Variants in XPO1 observed in about 807,000 individuals in gnomAD.
XPO1 encodes the protein exportin 1, also known as exportin-1.
A neutral mutation model predicts 133.3 loss-of-function variants in XPO1; 5 were observed. The ratio of observed to expected loss-of-function variants is 0.04; its 90% CI spans 0.02 to 0.08. The LOEUF (loss-of-function observed/expected upper bound fraction) is 0.08. XPO1 is among the 10% of genes least tolerant of loss of function. XPO1 has a pLI of 1.00. For synonymous variants in XPO1, 419 were observed against 408.2 expected, an observed-to-expected ratio of 1.03 and a Z score of -0.32; for missense variants, 506 against 1,267.5, an observed-to-expected ratio of 0.40 and a Z score of 9.12.
chr2:61,491,973 T>TATG (rs1697023414), intron 16 of XPO1, 62 bp downstream of exon 16: 1 of 1,571,918 alleles, frequency 6.4e-7, no homozygotes. Flanking sequence ...TTTCCATTGA[T>TATG]ACATACAGAT....
chr2:61,525,695 C>A, intron 3 of XPO1: 4 of 1,026,200 alleles, frequency 3.9e-6, no homozygotes, highest in Non-Finnish European at 4.7e-6. Flanking sequence ...GTATTTTTGA[C>A]CTAAAATTTA....
rs1318453164 is a variant in XPO1 at position 61,485,600 on chromosome 2, TG to T, written c.2508+167del. ...ATTGCCCAGGTTGGTTTCAAACTCC[TG>T]GGAAGTAAGTTCTTGAAAACCAAGA... is the stretch of plus-strand genomic sequence containing the variant. On this transcript the variant is annotated intron_variant, in intron 20 of 24. Transcript: ENST00000401558. 3 of 646,008 alleles carry T rather than the reference TG, an allele frequency of 4.6e-6. No individual in the cohort carries two copies. The Admixed American group carries it at 1.0e-4, about 22-fold the overall frequency. 40.0% of individuals were successfully genotyped at this position (646,008 alleles called of 1,614,324 possible). A position where few individuals can be genotyped will look rare whatever the true frequency, so the allele number is the denominator to read the frequency against.
chr2:61,519,203 C>T (rs2104714266), intron 4 of XPO1, among the ~76,000 whole-genome samples: 1 of 152,242 alleles, frequency 6.6e-6, no homozygotes, highest in South Asian at 2.1e-4. Flanking sequence ...CCTGCCTTGG[C>T]CTCCCAAAGT....
intron 7 of XPO1, 141 bp from the exon 8 acceptor site, chr2:61,499,054 G>A: frequency 2.0e-6 from 2 of 994,300 alleles, no homozygotes; most frequent in Non-Finnish European, 2.9e-6. Flanking sequence ...GGCCATGGCA[G>A]AAGGATTGTT....
intron 2 of XPO1, 23 bp downstream of exon 2, chr2:61,533,749 A>C (rs757643416): frequency 6.4e-7 from 1 of 1,561,972 alleles, no homozygotes; most frequent in Non-Finnish European, 8.6e-7. Flanking sequence ...ATAATGTTAT[A>C]AAGTTTTGGT....
At chr2:61,536,728 A>C (rs1459548709) in intron 1 of XPO1, 3 of 152,474 alleles carry the variant, frequency 2.0e-5, no homozygotes, top group East Asian at 3.9e-4. Context: ...TACTCGGAGG[A>C]GGCATTTAGA....
At chr2:61,494,244 G>A in intron 11 of XPO1, 153 bp from the exon 12 acceptor site, 1 of 661,534 alleles carries the variant, frequency 1.5e-6, no homozygotes, top group Non-Finnish European at 2.5e-6. Context: ...GCAAACTCTG[G>A]AGTAACTCTG....
intron 4 of XPO1, among the ~76,000 whole-genome samples, chr2:61,519,122 T>A (rs1698558275): frequency 6.6e-6 from 1 of 152,116 alleles, no homozygotes; most frequent in Non-Finnish European, 1.5e-5. Flanking sequence ...GGCTAATTTT[T>A]GTATTTTTAG....
intron 4 of XPO1, among the ~76,000 whole-genome samples, chr2:61,506,043 G>C (rs996219571): frequency 6.6e-6 from 1 of 152,120 alleles, no homozygotes; most frequent in Admixed American, 6.6e-5. Flanking sequence ...AGGATTATTT[G>C]ATCAAGTACC....
chr2:61,496,777 G>T, intron 10 of XPO1, 102 bp downstream of exon 10: 2 of 1,227,512 alleles, frequency 1.6e-6, no homozygotes, highest in Non-Finnish European at 2.1e-6. Context: ...AAAAGATTAT[G>T]GCTTATCTTT....
At chr2:61,519,363 A>G (rs1426847083) in intron 4 of XPO1, among the ~76,000 whole-genome samples, 1 of 152,148 alleles carries the variant, frequency 6.6e-6, no homozygotes, top group Non-Finnish European at 1.5e-5. Context: ...TTTTCCTGAC[A>G]GTATTTATAC....
At chr2:61,490,079 C>T (rs572925948) in intron 17 of XPO1, among the ~76,000 whole-genome samples, 47 of 151,702 alleles carry the variant, frequency 3.1e-4, no homozygotes, top group African/African-American at 1.1e-3. Flanking sequence ...TTAGTAGAGA[C>T]GGGGTTTCAC....
chr2:61,517,403 G>C (rs1323317151), intron 4 of XPO1, among the ~76,000 whole-genome samples: 1 of 152,106 alleles, frequency 6.6e-6, no homozygotes, highest in Non-Finnish European at 1.5e-5. Flanking sequence ...GGACAACATA[G>C]GCAAACTGTG....
At chr2:61,512,032 G>C (rs1423355356) in intron 4 of XPO1, among the ~76,000 whole-genome samples, 1 of 152,072 alleles carries the variant, frequency 6.6e-6, no homozygotes, top group East Asian at 1.9e-4. Context: ...GCCTCCCAAA[G>C]TGCTGGGATT....
chr2:61,533,570 T>C (rs1699249380), intron 2 of XPO1, among the ~76,000 whole-genome samples: 1 of 152,218 alleles, frequency 6.6e-6, no homozygotes, highest in East Asian at 1.9e-4. Context: ...ACAAGTATAA[T>C]ATTCCAAAAC....
intron 6 of XPO1, 24 bp downstream of exon 6, chr2:61,501,972 G>A (rs1029022825): frequency 6.4e-7 from 1 of 1,561,730 alleles, no homozygotes; most frequent in South Asian, 1.2e-5. Context: ...TTCTTCTAAG[G>A]AAAACAGTTA....
intron 2 of XPO1, among the ~76,000 whole-genome samples, chr2:61,530,518 GAGAA>G: frequency 6.6e-6 from 1 of 152,168 alleles, no homozygotes; most frequent in South Asian, 2.1e-4. Context: ...CACAATATTG[GAGAA>G]AACATCCAAC....
At chr2:61,493,162 ATG>A in intron 12 of XPO1, 109 bp from the exon 13 acceptor site, 2 of 1,110,626 alleles carry the variant, frequency 1.8e-6, no homozygotes, top group Non-Finnish European at 2.5e-6. Flanking sequence ...CAAGCCAGCC[ATG>A]TGTAGGGATT....
At chr2:61,489,357 G>A (rs1408908756) in intron 17 of XPO1, among the ~76,000 whole-genome samples, 1 of 149,522 alleles carries the variant, frequency 6.7e-6, no homozygotes, top group African/African-American at 2.5e-5. Context: ...AGGTTGCAGT[G>A]AGCCGAGATC....
Sources: gnomAD v4.1 joint callset for allele counts (sites outside exome capture counted in the v4.1 genomes callset) on GRCh38, gnomAD v4.1.1 for gene constraint, MANE v1.5 for transcripts, NCBI Gene and HGNC (gene_info 2026-07-23, HGNC 2026-07-21) for gene names.